Variants in LTF observed in about 807,000 individuals in gnomAD.
LTF encodes epididymis luminal protein 110.
Under a neutral mutation model 87.2 loss-of-function variants are expected in LTF, and 91 were observed. The ratio of observed to expected loss-of-function variants is 1.04; its 90% CI spans 0.88 to 1.24. LTF has a LOEUF of 1.24. LTF is among the 50% of genes most tolerant of loss of function. LTF has a pLI of 0.00. For synonymous variants in LTF, 378 were observed against 356.1 expected (o/e 1.06, Z -0.69); for missense variants, 901 against 904.3 (o/e 1.00, Z 0.05).
intron 1 of LTF, among the ~76,000 whole-genome samples, chr3:46,478,402 C>G (rs534543023): frequency 1.5e-4 from 23 of 152,216 alleles, no homozygotes; most frequent in Non-Finnish European, 2.9e-4. Flanking sequence ...TCCCCAGAGG[C>G]TGAAGGTCGC....
chr3:46,456,518 A>C, intron 2 of LTF, 120 bp from the exon 3 acceptor site: 1 of 689,696 alleles, frequency 1.4e-6, no homozygotes, highest in East Asian at 2.8e-5. Flanking sequence ...TCCGCTTTCC[A>C]TCCTGTCCCC....
chr3:46,447,579 C>T (rs1702687096), intron 9 of LTF, among the ~76,000 whole-genome samples, 181 bp from the exon 10 acceptor site: 1 of 152,204 alleles, frequency 6.6e-6, no homozygotes, highest in South Asian at 2.1e-4. Context: ...CTCTCCCAGC[C>T]CTGCCTACTT....
At chr3:46,462,414 T>C (rs1703105093) in intron 1 of LTF, among the ~76,000 whole-genome samples, 2 of 152,306 alleles carry the variant, frequency 1.3e-5, no homozygotes, top group South Asian at 2.1e-4. Context: ...GGGAGGGAGC[T>C]ATGGCTTTAA....
chr3:46,445,982 G>A (rs1702643821), intron 11 of LTF, among the ~76,000 whole-genome samples: 1 of 152,234 alleles, frequency 6.6e-6, no homozygotes, highest in Non-Finnish European at 1.5e-5. Flanking sequence ...CCCACCAAGG[G>A]CAAGTCTTTT....
chr3:46,456,313 G>A lies in LTF; in HGVS notation c.293C>T (p.Ala98Val), dbSNP rs555283746. The change falls in exon 3 of 17, where the codon GCG (alanine) becomes GTG (valine). Residue 98 changes from alanine (A) to valine (V), a missense_variant. Ala to Val is a moderately conservative substitution (Grantham distance 64). Transcript: ENST00000231751. Reference sequence around the variant, plus strand: ...ACGTCTTTCGGTCCCGTAGACTTCCGCCGCTACAGGTCGCAGTTTGTAGGG... The same window carrying A: ...ACGTCTTTCGGTCCCGTAGACTTCCACCGCTACAGGTCGCAGTTTGTAGGG... The part of the protein sequence containing the change: ...LAPYKLRPVA[A>V]EVYGTERQPR... 5.4e-5 allele frequency: 87 copies of A among 1,614,074 alleles called. No individual in the cohort carries two copies. The East Asian group carries it at 5.6e-4, about 10-fold the overall frequency.
intron 14 of LTF, among the ~76,000 whole-genome samples, chr3:46,440,660 G>A (rs1702496008): frequency 6.6e-6 from 1 of 152,176 alleles, no homozygotes; most frequent in Non-Finnish European, 1.5e-5. Flanking sequence ...TCTGTCCCAA[G>A]AGACACTAGA....
chr3:46,437,255 A>T (rs1480085235), intron 16 of LTF, among the ~76,000 whole-genome samples: 2 of 150,762 alleles, frequency 1.3e-5, no homozygotes, highest in African/African-American at 4.9e-5. Flanking sequence ...GTTTTCCTAC[A>T]CTTGAATTTT....
Position 46,436,042 on chromosome 3 carries a change from C to A in LTF, c.*153G>T. 1.4e-6 allele frequency: 1 copy of A among 695,184 alleles called. No individual in the cohort carries two copies. The highest frequency in any genetic ancestry group is 1.7e-5 in the South Asian group (1 of 58,606). 43.1% of individuals were successfully genotyped at this position (695,184 alleles called of 1,614,324 possible). A position where few individuals can be genotyped will look rare whatever the true frequency, so the allele number is the denominator to read the frequency against. The stretch of plus-strand genomic sequence containing the variant: ...ATCAACAAAATTTCTCATTTTACTT[C>A]TTGCTAAGACGACAGCAGGGAATTG... On this transcript the variant is annotated 3_prime_UTR_variant, in exon 17 of 17. Transcript: ENST00000231751.
At chr3:46,475,935 G>A (rs898992433) in intron 1 of LTF, among the ~76,000 whole-genome samples, 4 of 152,078 alleles carry the variant, frequency 2.6e-5, no homozygotes, top group Admixed American at 6.5e-5. Context: ...TATATAAATG[G>A]AATCATATAA....
chr3:46,449,927 C>T lies in LTF; in HGVS notation c.984G>A (p.Arg328=). The T allele has an allele frequency of 6.2e-7, 1 of 1,614,170 alleles. No homozygotes were observed. Among genetic ancestry groups the T allele is most frequent in the Non-Finnish European group, 8.5e-7 (1 of 1,180,024 alleles). ...GCCCAGAATCTATCCTCGGGGGCAC[C>T]CTCGAAAACCCAATGGCAGAGTCCT... ...LFKDSAIGFS[R]VPPRIDSGLY... The change falls in exon 8 of 17, where the codon AGG becomes AGA. Residue 328 remains arginine, a synonymous_variant. Transcript: ENST00000231751.
rs966231611 is a variant in LTF, at chr3:46,479,246, T to TA, written c.-320+5739dup. On this transcript the variant is annotated intron_variant, in intron 1 of 19. Coordinates refer to the LTF transcript ENST00000443496. Reference sequence around the variant, plus strand: ...CCTGTGACAGGCAGGGAAAACCCCATAGCCCCCTCTCTCCCACCCTGGCAT... The same window carrying TA: ...CCTGTGACAGGCAGGGAAAACCCCATAAGCCCCCTCTCTCCCACCCTGGCAT... 7.8e-4 allele frequency among the ~76,000 whole-genome samples: 118 copies of TA among 152,254 alleles called. 1 individual carries two copies. Among genetic ancestry groups the TA allele is most frequent in the African/African-American group, 2.6e-3 (108 of 41,574 alleles).
intron 16 of LTF, 64 bp downstream of exon 16, chr3:46,437,876 G>T: frequency 7.8e-7 from 1 of 1,289,416 alleles, no homozygotes; most frequent in Non-Finnish European, 1.1e-6. Context: ...AATGCTGTTT[G>T]GCCCTCAAAC....
At chr3:46,469,489 G>T (rs549939064), upstream of LTF, 2 of 152,440 alleles carry the variant, frequency 1.3e-5, no homozygotes, top group East Asian at 1.9e-4. Flanking sequence ...CCCTGTTCAT[G>T]GTCTCACAGC....
intron 6 of LTF, among the ~76,000 whole-genome samples, chr3:46,452,463 C>T (rs1455399277): frequency 3.3e-5 from 5 of 152,100 alleles, no homozygotes; most frequent in Non-Finnish European, 7.3e-5. Flanking sequence ...CAGTACAATT[C>T]GAATCAAAAT....
At position 46,446,893 on chromosome 3, in the gene LTF, G is replaced by A. The variant is rs142863217; in HGVS notation, c.1304-400C>T. 1.1e-4 allele frequency among the ~76,000 whole-genome samples: 17 copies of A among 152,340 alleles called. No homozygotes were observed. The East Asian group carries it at 3.1e-3, about 28-fold the overall frequency. ...TTAAAACATAGGCAAACTTAGATCT[G>A]CGACCTTAGAAGCCAGGAGAGAGGC... On this transcript the variant is annotated intron_variant, in intron 10 of 16. Transcript: ENST00000231751.
upstream of LTF, chr3:46,465,136 C>T (rs28365893): frequency 2.5e-4 from 132 of 536,498 alleles, 1 homozygote; most frequent in East Asian, 4.4e-3. Context: ...TTCTTTCTCT[C>T]CCACTAGTCT....
intron 9 of LTF, among the ~76,000 whole-genome samples, chr3:46,448,236 G>A (rs983199693): frequency 1.1e-4 from 16 of 152,024 alleles, no homozygotes; most frequent in Non-Finnish European, 1.9e-4. Context: ...GTGTGGTGGC[G>A]TATGCCTGTA....
chr3:46,471,859 C>T (rs1415841565), intron 1 of LTF, among the ~76,000 whole-genome samples: 2 of 152,208 alleles, frequency 1.3e-5, no homozygotes, highest in Non-Finnish European at 2.9e-5. Flanking sequence ...AGTATCAGGG[C>T]AGTGCCAATG....
At chr3:46,437,661 T>C (rs1210113379) in intron 16 of LTF, among the ~76,000 whole-genome samples, 1 of 152,204 alleles carries the variant, frequency 6.6e-6, no homozygotes, top group Non-Finnish European at 1.5e-5. Flanking sequence ...TATATGCACC[T>C]TTCATTTTAC....
Sources: allele counts gnomAD v4.1 joint callset (sites outside exome capture counted in the v4.1 genomes callset), GRCh38; gene constraint gnomAD v4.1.1; transcripts MANE v1.5; gene names NCBI Gene and HGNC (gene_info 2026-07-23, HGNC 2026-07-21).